Variants in SEC14L6 observed in about 807,000 individuals in gnomAD.
SEC14L6 encodes SEC14-like protein 6.
In SEC14L6, 40 loss-of-function variants were observed where a neutral mutation model predicts 54.1. That is an observed-to-expected ratio of 0.74 (90% CI 0.57 to 0.96). The LOEUF is 0.96. Among genes scored for constraint, SEC14L6 ranks in the 40% least tolerant of loss-of-function variants. The pLI is 0.00. For missense variants in SEC14L6, 471 were observed against 498.3 expected (o/e 0.95, Z 0.52); for synonymous variants, 171 against 198.4 (o/e 0.86, Z 1.16).
At chr22:30,542,589 G>T (rs529196427) in intron 1 of SEC14L6, 27,068 of 1,484,786 alleles carry the variant, frequency 0.018, 326 homozygotes, top group Non-Finnish European at 0.019. Flanking sequence ...CCCGCGGGCC[G>T]GTCCCCGGCC....
chr22:30,544,063 A>G (rs1319010575), intron 1 of SEC14L6: 1 of 1,517,980 alleles, frequency 6.6e-7, no homozygotes. Flanking sequence ...GTATGCCAGC[A>G]TCCAGGTCCC....
intron 2 of SEC14L6, among the ~76,000 whole-genome samples, chr22:30,534,569 G>C (rs1291720382): frequency 6.6e-6 from 1 of 151,640 alleles, no homozygotes; most frequent in East Asian, 1.9e-4. Flanking sequence ...CCACCACCAC[G>C]CCTGGCTAAT....
At chr22:30,540,836 C>T (rs540317732) in intron 1 of SEC14L6, among the ~76,000 whole-genome samples, 2 of 151,716 alleles carry the variant, frequency 1.3e-5, no homozygotes, top group Middle Eastern at 3.4e-3. Flanking sequence ...CTTGCCAACA[C>T]GGTGAAACCC....
intron 2 of SEC14L6, among the ~76,000 whole-genome samples, chr22:30,536,359 G>T (rs888817278): frequency 6.6e-6 from 1 of 152,168 alleles, no homozygotes; most frequent in Non-Finnish European, 1.5e-5. Context: ...AGCTGAAACC[G>T]ACTCCAGCCC....
intron 1 of SEC14L6, 109 bp from the exon 2 acceptor site, chr22:30,539,011 G>T: frequency 1.4e-6 from 1 of 724,186 alleles, no homozygotes; most frequent in Non-Finnish European, 2.4e-6. Flanking sequence ...TCCCACTCGG[G>T]CTGGGAGGAT....
intron 1 of SEC14L6, chr22:30,543,061 A>T: frequency 6.3e-7 from 1 of 1,598,664 alleles, no homozygotes; most frequent in South Asian, 1.1e-5. Flanking sequence ...ACCTGACCAC[A>T]CAGTGAGCTT....
rs1374069632 is a variant in SEC14L6, at chr22:30,524,008, T to G, written c.*989A>C. On this transcript the variant is annotated 3_prime_UTR_variant, in exon 12 of 12. Transcript: ENST00000402034. ...TATTCCAACTACCTCCTTTATCAGA[T>G]TCTCACACTCCAGGCCACTATCCAC... is the stretch of plus-strand genomic sequence containing the variant. The G allele has an allele frequency of 1.3e-5, 2 of 152,226 alleles. No individual in the cohort carries two copies. The highest frequency in any genetic ancestry group is 4.8e-5 in the African/African-American group (2 of 41,464). 9.4% of individuals were successfully genotyped at this position (152,226 alleles called of 1,614,324 possible). A position where few individuals can be genotyped will look rare whatever the true frequency, so the allele number is the denominator to read the frequency against.
intron 1 of SEC14L6, chr22:30,543,291 T>C: frequency 6.3e-7 from 1 of 1,580,272 alleles, no homozygotes. Context: ...ACTCTTTTCG[T>C]GGGACTGCCA....
At chr22:30,528,400 C>A (rs1411904486) in intron 8 of SEC14L6, among the ~76,000 whole-genome samples, 1 of 147,772 alleles carries the variant, frequency 6.8e-6, no homozygotes, top group Non-Finnish European at 1.5e-5. Context: ...GGATTAGAGG[C>A]GTGAACCACC....
intron 2 of SEC14L6, among the ~76,000 whole-genome samples, chr22:30,535,609 CT>C (rs1568970673): frequency 6.6e-6 from 1 of 152,210 alleles, no homozygotes; most frequent in African/African-American, 2.4e-5. Context: ...AATCGGGACT[CT>C]TTTTTGATTT....
chr22:30,542,893 A>G, intron 1 of SEC14L6: 1 of 1,601,178 alleles, frequency 6.2e-7, no homozygotes, highest in South Asian at 1.1e-5. Context: ...TTCCATCTGC[A>G]TCAGTAACAT....
At chr22:30,538,985 T>C in intron 1 of SEC14L6, 83 bp from the exon 2 acceptor site, 4 of 941,648 alleles carry the variant, frequency 4.2e-6, no homozygotes, top group Non-Finnish European at 6.6e-6. Flanking sequence ...AGGAAGGGGA[T>C]GTCTGAGTGA....
intron 1 of SEC14L6, chr22:30,542,895 C>G: frequency 2.5e-6 from 4 of 1,601,284 alleles, no homozygotes; most frequent in Non-Finnish European, 3.4e-6. Flanking sequence ...CCATCTGCAT[C>G]AGTAACATCA....
intron 2 of SEC14L6, among the ~76,000 whole-genome samples, chr22:30,534,504 C>T (rs1986969): frequency 0.18 from 27,079 of 151,548 alleles, 2,800 homozygotes; most frequent in Admixed American, 0.25. Flanking sequence ...CTCTGCCTCC[C>T]GGGTTCAAGT....
At position 30,523,583 on chromosome 22, in the gene SEC14L6, C is replaced by T. The variant is rs1936675150; in HGVS notation, c.*1414G>A. On this transcript the variant is annotated 3_prime_UTR_variant, in exon 12 of 12. Coordinates refer to ENST00000402034, the MANE Select transcript of SEC14L6 (RefSeq NM_001193336.4). ...ATGTTGTCCAGGCTGGTCTCAAACT[C>T]CTGGCCTCGAGCAATCCACATGCCT... is the stretch of plus-strand genomic sequence containing the variant. 1 of 152,196 alleles carries T rather than the reference C, an allele frequency of 6.6e-6. No homozygotes were observed. Among genetic ancestry groups the T allele is most frequent in the Non-Finnish European group, 1.5e-5 (1 of 68,084 alleles). 9.4% of individuals were successfully genotyped at this position (152,196 alleles called of 1,614,324 possible).
At chr22:30,533,906 A>G (rs942846128) in intron 3 of SEC14L6, 90 bp downstream of exon 3, 12 of 1,198,718 alleles carry the variant, frequency 1.0e-5, no homozygotes, top group South Asian at 4.1e-5. Context: ...TGAATGAATG[A>G]ATGGATGGAT....
At chr22:30,546,125 G>A (rs1382109218) in intron 1 of SEC14L6, among the ~76,000 whole-genome samples, 1 of 149,328 alleles carries the variant, frequency 6.7e-6, no homozygotes. Context: ...GCTCATGCCT[G>A]TAATCCCAGC....
At chr22:30,543,089 G>T in intron 1 of SEC14L6, 1 of 1,601,070 alleles carries the variant, frequency 6.2e-7, no homozygotes, top group African/African-American at 1.3e-5. Context: ...GAGTCTCATG[G>T]CTTCTCACCC....
chr22:30,546,010 C>T (rs1180131543), intron 1 of SEC14L6, among the ~76,000 whole-genome samples: 1 of 152,056 alleles, frequency 6.6e-6, no homozygotes, highest in Non-Finnish European at 1.5e-5. Flanking sequence ...CCATCCACCT[C>T]AGCCTCCCAA....
Sources: allele counts gnomAD v4.1 joint callset (sites outside exome capture counted in the v4.1 genomes callset), GRCh38; gene constraint gnomAD v4.1.1; transcripts MANE v1.5; gene names NCBI Gene and HGNC (gene_info 2026-07-23, HGNC 2026-07-21).